Variants in GOLIM4 observed in about 807,000 individuals in gnomAD.
GOLIM4 encodes the protein golgi integral membrane protein 4.
A neutral mutation model predicts 107.4 loss-of-function variants in GOLIM4; 71 were observed. The observed-to-expected ratio is 0.66, with a 90% CI of 0.55 to 0.81. The LOEUF is 0.81. Ranked by LOEUF, GOLIM4 falls within the 30% of genes least tolerant of loss-of-function variation. The pLI is 0.00. For missense variants in GOLIM4, 830 were observed against 826.1 expected (o/e 1.00, Z -0.06); for synonymous variants, 327 against 294.8 (o/e 1.11, Z -1.12).
intron 14 of GOLIM4, among the ~76,000 whole-genome samples, chr3:168,011,682 C>A (rs893909497): frequency 4.0e-5 from 6 of 148,154 alleles, no homozygotes; most frequent in Admixed American, 2.6e-4. Flanking sequence ...TCTCCCAGCA[C>A]GCAGCTGGAG....
chr3:168,070,524 T>G (rs1720782375), intron 1 of GOLIM4, among the ~76,000 whole-genome samples: 1 of 152,224 alleles, frequency 6.6e-6, no homozygotes, highest in Non-Finnish European at 1.5e-5. Context: ...GTGGCATCAT[T>G]AAAGTCTCTA....
chr3:168,090,809 A>G (rs538586399), intron 1 of GOLIM4, among the ~76,000 whole-genome samples: 1 of 152,352 alleles, frequency 6.6e-6, no homozygotes, highest in East Asian at 1.9e-4. Flanking sequence ...AAAATGTGGT[A>G]TATATACACC....
intron 14 of GOLIM4, among the ~76,000 whole-genome samples, chr3:168,021,748 G>A (rs575839722): frequency 6.6e-6 from 1 of 152,210 alleles, no homozygotes; most frequent in East Asian, 1.9e-4. Context: ...GTAGGTGTAC[G>A]TACATATTTG....
chr3:168,084,188 G>A (rs950633305), intron 1 of GOLIM4, among the ~76,000 whole-genome samples: 7 of 152,092 alleles, frequency 4.6e-5, no homozygotes, highest in African/African-American at 1.7e-4. Flanking sequence ...TCTCTCTCCT[G>A]CTCCACCAGA....
chr3:168,083,801 C>T (rs1326156353), intron 1 of GOLIM4, among the ~76,000 whole-genome samples: 1 of 152,112 alleles, frequency 6.6e-6, no homozygotes, highest in Admixed American at 6.6e-5. Flanking sequence ...GCTACGAAGG[C>T]TGCCCCCAAT....
rs1331427006 is a variant in GOLIM4 at position 168,054,631 on chromosome 3, T to A, written c.188-6266A>T. 4.7e-5 allele frequency among the ~76,000 whole-genome samples: 7 copies of A among 149,962 alleles called. No individual in the cohort carries two copies. In the East Asian group the frequency reaches 1.3e-3, roughly 29 times the overall value. On this transcript the variant is annotated intron_variant, in intron 1 of 15. Coordinates refer to ENST00000470487, the MANE Select transcript of GOLIM4 (RefSeq NM_014498.5). Reference sequence around the variant, plus strand: ...TTAATTAAACATAATTTATTAATTATAAAATAATAATTTTTATTACTGTTA... The same window carrying A: ...TTAATTAAACATAATTTATTAATTAAAAAATAATAATTTTTATTACTGTTA...
At chr3:168,020,376 G>C (rs891214760) in intron 14 of GOLIM4, among the ~76,000 whole-genome samples, 1 of 152,150 alleles carries the variant, frequency 6.6e-6, no homozygotes, top group Non-Finnish European at 1.5e-5. Context: ...TAAACAGTAT[G>C]ATCCTGAGCC....
intron 1 of GOLIM4, among the ~76,000 whole-genome samples, chr3:168,091,925 A>C (rs1265700493): frequency 6.6e-6 from 1 of 152,228 alleles, no homozygotes; most frequent in Non-Finnish European, 1.5e-5. Flanking sequence ...AAACAAGTAA[A>C]GTAAATGCAC....
At chr3:168,083,259 C>G (rs1308490623) in intron 1 of GOLIM4, among the ~76,000 whole-genome samples, 1 of 152,024 alleles carries the variant, frequency 6.6e-6, no homozygotes, top group East Asian at 1.9e-4. Context: ...TCAAAAATAT[C>G]TTACTAAGAC....
chr3:168,042,651 GTTTCTT>G (rs1474953412), intron 5 of GOLIM4, among the ~76,000 whole-genome samples: 11 of 152,146 alleles, frequency 7.2e-5, no homozygotes, highest in Non-Finnish European at 1.5e-4. Flanking sequence ...GAATGCACTG[GTTTCTT>G]TCTCCAGGAC....
chr3:168,088,592 C>A (rs1721743890), intron 1 of GOLIM4, among the ~76,000 whole-genome samples: 3 of 152,198 alleles, frequency 2.0e-5, no homozygotes, highest in Non-Finnish European at 2.9e-5. Context: ...GATGCCCCAA[C>A]CAGCTCTCCA....
intron 1 of GOLIM4, among the ~76,000 whole-genome samples, chr3:168,089,826 G>T (rs925642631): frequency 4.0e-5 from 6 of 151,102 alleles, no homozygotes; most frequent in Admixed American, 4.0e-4. Flanking sequence ...TGGAGTGCAG[G>T]GGGGTGACTG....
chr3:168,025,655 T>A (rs924114805), intron 12 of GOLIM4, among the ~76,000 whole-genome samples: 1 of 152,200 alleles, frequency 6.6e-6, no homozygotes, highest in Non-Finnish European at 1.5e-5. Context: ...TTTTCTAGTA[T>A]GGATCCAATT....
chr3:168,013,886 A>G lies in GOLIM4; in HGVS notation c.1861-3063T>C, dbSNP rs1409995144. 3.3e-5 allele frequency among the ~76,000 whole-genome samples: 5 copies of G among 151,686 alleles called. No individual in the cohort carries two copies. The South Asian group carries it at 1.0e-3, about 32-fold the overall frequency. ...ACCAGAATCTCTGGGACGCATTCAA[A>G]GCAGTGTGTAGAGGGAAATTTATAG... On this transcript the variant is annotated intron_variant, in intron 14 of 15. Transcript: ENST00000470487.
At chr3:168,042,418 T>TTACAGGCATG (rs1276623630) in intron 5 of GOLIM4, among the ~76,000 whole-genome samples, 1 of 152,156 alleles carries the variant, frequency 6.6e-6, no homozygotes, top group Non-Finnish European at 1.5e-5. Context: ...ATGGCTGAGA[T>TTACAGGCATG]TACAGGCATG....
intron 1 of GOLIM4, among the ~76,000 whole-genome samples, chr3:168,078,268 T>C (rs940370942): frequency 6.6e-6 from 1 of 152,178 alleles, no homozygotes; most frequent in Non-Finnish European, 1.5e-5. Context: ...CACAAATATT[T>C]TGTTAATTTT....
Position 168,095,110 on chromosome 3 carries a change from G to A in GOLIM4, c.176C>T (p.Ala59Val). The change falls in exon 1 of 16, where the codon GCC (alanine) becomes GTC (valine). Residue 59 changes from alanine (A) to valine (V), a missense_variant. Ala to Val is a moderately conservative substitution (Grantham distance 64). Transcript: ENST00000470487. ...CCCGTTAGCCGTACCTTGTAACTGG[G>A]CGGAGAGGGACTCCTGGTGCTGCTG... ...KYQQHQESLS[A>V]QLQVVYEHRS... 1.2e-6 allele frequency: 2 copies of A among 1,601,924 alleles called. No homozygotes were observed. The highest frequency in any genetic ancestry group is 2.2e-5 in the South Asian group (2 of 90,670).
At chr3:168,063,581 G>A (rs1374538299) in intron 1 of GOLIM4, among the ~76,000 whole-genome samples, 2 of 152,140 alleles carry the variant, frequency 1.3e-5, no homozygotes, top group Non-Finnish European at 2.9e-5. Flanking sequence ...TGATTTGGGG[G>A]AAGAGGGAAT....
intron 14 of GOLIM4, among the ~76,000 whole-genome samples, chr3:168,017,605 T>C (rs1377846306): frequency 6.6e-6 from 1 of 152,236 alleles, no homozygotes; most frequent in Non-Finnish European, 1.5e-5. Flanking sequence ...CCTGTCTTAT[T>C]CAAGTCACTA....
Sources: gnomAD v4.1 joint callset for allele counts (sites outside exome capture counted in the v4.1 genomes callset) on GRCh38, gnomAD v4.1.1 for gene constraint, MANE v1.5 for transcripts, NCBI Gene and HGNC (gene_info 2026-07-23, HGNC 2026-07-21) for gene names.